The following CADM2 variants were observed in gnomAD, a reference collection of about 807,000 sequenced individuals.
CADM2 encodes immunoglobulin superfamily member 4D.
In CADM2, 12 loss-of-function variants were observed where a neutral mutation model predicts 49.8. The observed-to-expected ratio is 0.24, with a 90% CI of 0.15 to 0.39. The LOEUF is 0.39. Among genes scored for constraint, CADM2 ranks in the 10% least tolerant of loss-of-function variants. CADM2 has a pLI of 1.00. For missense variants in CADM2, 378 were observed against 492.3 expected, an observed-to-expected ratio of 0.77 and a Z score of 2.20; for synonymous variants, 214 against 175.4, an observed-to-expected ratio of 1.22 and a Z score of -1.74.
At chr3:85,354,318 A>C (rs910808990) in intron 1 of CADM2, among the ~76,000 whole-genome samples, 5 of 133,962 alleles carry the variant, frequency 3.7e-5, no homozygotes, top group Admixed American at 2.6e-4. Flanking sequence ...ACACATGGAC[A>C]CAGGAAGGGG....
intron 1 of CADM2, among the ~76,000 whole-genome samples, chr3:85,613,877 A>G (rs1048464998): frequency 6.6e-6 from 1 of 151,716 alleles, no homozygotes; most frequent in Non-Finnish European, 1.5e-5. Flanking sequence ...ATGAGCCCTT[A>G]GACAAGTTTT....
At chr3:85,441,892 G>A (rs1458840161) in intron 1 of CADM2, among the ~76,000 whole-genome samples, 1 of 151,968 alleles carries the variant, frequency 6.6e-6, no homozygotes, top group East Asian at 1.9e-4. Flanking sequence ...AAAAGATGAG[G>A]AAGTAAGGAA....
chr3:85,391,476 A>G (rs1229757142), intron 1 of CADM2, among the ~76,000 whole-genome samples: 6 of 152,082 alleles, frequency 3.9e-5, no homozygotes, highest in Admixed American at 3.9e-4. Context: ...TAAGACTGCT[A>G]TAAAGGATAC....
intron 1 of CADM2, among the ~76,000 whole-genome samples, chr3:85,147,608 A>G (rs2039789743): frequency 6.6e-6 from 1 of 152,118 alleles, no homozygotes; most frequent in South Asian, 2.1e-4. Flanking sequence ...TAATCATGCA[A>G]TTTCTGAACC....
At chr3:85,976,727 T>C (rs1377045448) in intron 8 of CADM2, among the ~76,000 whole-genome samples, 1 of 151,666 alleles carries the variant, frequency 6.6e-6, no homozygotes, top group Admixed American at 6.6e-5. Flanking sequence ...ACCAAATTAC[T>C]TTCAGTCAAT....
intron 1 of CADM2, among the ~76,000 whole-genome samples, chr3:85,340,887 A>T (rs1319436280): frequency 1.3e-5 from 2 of 151,604 alleles, no homozygotes; most frequent in African/African-American, 4.8e-5. Context: ...TTACTGATGA[A>T]GCTTTGAACT....
At chr3:85,945,620 C>G (rs1463034484) in intron 7 of CADM2, among the ~76,000 whole-genome samples, 1 of 152,042 alleles carries the variant, frequency 6.6e-6, no homozygotes, top group Non-Finnish European at 1.5e-5. Context: ...AAGACTGGTT[C>G]AACATATGAA....
chr3:85,317,632 GAAGAA>G (rs1410870773), intron 1 of CADM2, among the ~76,000 whole-genome samples: 1 of 152,160 alleles, frequency 6.6e-6, no homozygotes, highest in Non-Finnish European at 1.5e-5. Flanking sequence ...CAGGGCAGAA[GAAGAA>G]AAGAGACCAA....
At chr3:85,720,852 G>T (rs1399418925) in intron 1 of CADM2, among the ~76,000 whole-genome samples, 1 of 152,122 alleles carries the variant, frequency 6.6e-6, no homozygotes, top group Non-Finnish European at 1.5e-5. Flanking sequence ...TGTCTTAAAA[G>T]ACAGTAATAA....
In CADM2 at chr3:85,569,574, A is replaced by G. The variant is rs186188325; in HGVS notation, c.62-156948A>G. Among the ~76,000 whole-genome samples, 1,142 of 152,262 alleles carry G rather than the reference A, an allele frequency of 7.5e-3. 19 individuals carry two copies. Among genetic ancestry groups the G allele is most frequent in the African/African-American group, 0.027 (1,102 of 41,540 alleles). ...GTGACCCTGTCCCCACATCTTTGCC[A>G]GCATTTGGTGTTGTTCTTTGTTGAA... On this transcript the variant is annotated intron_variant, in intron 1 of 9. Transcript: ENST00000383699.
At chr3:85,189,154 A>G (rs904151201) in intron 1 of CADM2, among the ~76,000 whole-genome samples, 1 of 151,858 alleles carries the variant, frequency 6.6e-6, no homozygotes, top group African/African-American at 2.4e-5. Flanking sequence ...AGCTATTAAT[A>G]TTATATATAT....
intron 1 of CADM2, among the ~76,000 whole-genome samples, chr3:85,321,421 G>C (rs1473457013): frequency 6.6e-6 from 1 of 151,600 alleles, no homozygotes; most frequent in Non-Finnish European, 1.5e-5. Flanking sequence ...CTGGTCTCAA[G>C]TGATCCACCT....
At chr3:85,129,124 A>G (rs536978967) in intron 1 of CADM2, among the ~76,000 whole-genome samples, 1 of 152,270 alleles carries the variant, frequency 6.6e-6, no homozygotes, top group East Asian at 1.9e-4. Flanking sequence ...GTCCATAGCC[A>G]GTTCACCACA....
intron 8 of CADM2, among the ~76,000 whole-genome samples, chr3:86,054,721 T>G (rs2107346672): frequency 6.6e-6 from 1 of 152,236 alleles, no homozygotes; most frequent in African/African-American, 2.4e-5. Flanking sequence ...TGTCTTTTTT[T>G]TTCAGCTTAA....
At chr3:85,115,503 G>T (rs1484543746) in intron 1 of CADM2, among the ~76,000 whole-genome samples, 1 of 151,982 alleles carries the variant, frequency 6.6e-6, no homozygotes, top group Non-Finnish European at 1.5e-5. Flanking sequence ...TTCCCTTCTG[G>T]CAGGAGGACT....
At chr3:85,498,222 T>C (rs2039984117) in intron 1 of CADM2, among the ~76,000 whole-genome samples, 1 of 150,824 alleles carries the variant, frequency 6.6e-6, no homozygotes, top group Non-Finnish European at 1.5e-5. Flanking sequence ...GTTATTTCAC[T>C]GTTAAAAATG....
intron 3 of CADM2, among the ~76,000 whole-genome samples, chr3:85,825,791 T>G (rs1448614): frequency 0.4 from 60,358 of 151,810 alleles, 12,289 homozygotes; most frequent in East Asian, 0.57. Flanking sequence ...GTTACAAATG[T>G]TTTTTGTTTA....
chr3:84,968,232 T>C, intron 1 of CADM2, among the ~76,000 whole-genome samples: 1 of 152,054 alleles, frequency 6.6e-6, no homozygotes, highest in East Asian at 1.9e-4. Context: ...TCAACTTTTC[T>C]ATAGCTTCCA....
At chr3:85,761,366 A>AATTTTTTTT (rs1340695835) in intron 2 of CADM2, among the ~76,000 whole-genome samples, 1 of 135,324 alleles carries the variant, frequency 7.4e-6, no homozygotes, top group African/African-American at 3.3e-5. Context: ...ACAACACAAA[A>AATTTTTTTT]CTTTTTTTTT....
Sources: allele counts gnomAD v4.1 joint callset (sites outside exome capture counted in the v4.1 genomes callset), GRCh38; gene constraint gnomAD v4.1.1; transcripts MANE v1.5; gene names NCBI Gene and HGNC (gene_info 2026-07-23, HGNC 2026-07-21).